P2RX1: variants seen among roughly 807,000 people sequenced by gnomAD.
P2RX1 encodes the protein purinergic receptor P2X 1.
P2RX1 carries 42 observed loss-of-function variants against 50.3 expected under a neutral mutation model. The observed-to-expected ratio is 0.83, with a 90% CI of 0.65 to 1.08. The LOEUF (loss-of-function observed/expected upper bound fraction) is 1.08, where lower values mean the gene tolerates loss of function less well. P2RX1 is among the 50% of genes least tolerant of loss of function. P2RX1 has a pLI of 0.00. For synonymous variants in P2RX1, 199 were observed against 202.6 expected (o/e 0.98, Z 0.15); for missense variants, 449 against 529.0 (o/e 0.85, Z 1.48).
chr17:3,909,550 C>T (rs953653872), intron 1 of P2RX1, among the ~76,000 whole-genome samples: 4 of 152,120 alleles, frequency 2.6e-5, no homozygotes, highest in African/African-American at 9.7e-5. Flanking sequence ...CACATTCAAT[C>T]ATTCAACAAA....
At position 3,896,924 on chromosome 17, in the gene P2RX1, C is replaced by T. The variant is rs28930668; in HGVS notation, c.*890G>A. 0.26 allele frequency: 39,076 copies of T among 152,264 alleles called. 6,374 individuals are homozygous for T. The highest frequency in any genetic ancestry group is 0.51 in the East Asian group (2,629 of 5,170). 9.4% of individuals were successfully genotyped at this position (152,264 alleles called of 1,614,324 possible). On this transcript the variant is annotated 3_prime_UTR_variant, in exon 12 of 12. Coordinates refer to ENST00000225538, the MANE Select transcript of P2RX1 (RefSeq NM_002558.4). ...ACAGTGTGGAAGGATGCTGTGTGCA[C>T]GTAGGTGGTGTGTACACTGGGTTGT...
chr17:3,915,948 T>G, intron 1 of P2RX1, 141 bp downstream of exon 1: 1 of 1,031,386 alleles, frequency 9.7e-7, no homozygotes, highest in Non-Finnish European at 1.5e-6. Context: ...TTTTCTATTC[T>G]CGCACAGTGG....
intron 1 of P2RX1, among the ~76,000 whole-genome samples, chr17:3,910,426 A>C (rs1265951689): frequency 6.6e-6 from 1 of 152,152 alleles, no homozygotes; most frequent in Non-Finnish European, 1.5e-5. Context: ...CAGGCTCAAC[A>C]CCCAGGCAGC....
intron 8 of P2RX1, 52 bp from the exon 9 acceptor site, chr17:3,899,076 T>G (rs1298197467): frequency 3.1e-6 from 4 of 1,294,718 alleles, no homozygotes; most frequent in Non-Finnish European, 4.5e-6. Context: ...CTGTCTTGGG[T>G]CTGGAGTTCT....
At chr17:3,908,197 C>G (rs369301234) in intron 1 of P2RX1, among the ~76,000 whole-genome samples, 3 of 152,314 alleles carry the variant, frequency 2.0e-5, no homozygotes, top group East Asian at 3.9e-4. Context: ...CACCTTGGAG[C>G]TGCCGGTCTT....
intron 1 of P2RX1, among the ~76,000 whole-genome samples, chr17:3,913,508 T>C (rs2056398920): frequency 6.6e-6 from 1 of 152,228 alleles, no homozygotes; most frequent in Non-Finnish European, 1.5e-5. Flanking sequence ...CTGCCTGCAC[T>C]TGCCCAGGAT....
rs2056413637 is a variant in P2RX1 at position 3,914,328 on chromosome 17, T to G, written c.137+1761A>C. On this transcript the variant is annotated intron_variant, in intron 1 of 11. Transcript: ENST00000225538. This position sits in a 1 kb window ranked among gnomAD's most constrained non-coding sequence, Gnocchi z 4.1. ...CATTTGGAAACTGATTAGACAGTCT[T>G]GGGAGGGAAGACAGGCAGGAGGACG... Among the ~76,000 whole-genome samples the G allele has an allele frequency of 6.6e-6, 1 of 150,444 alleles. No individual in the cohort carries two copies. Among genetic ancestry groups the G allele is most frequent in the African/African-American group, 2.5e-5 (1 of 40,688 alleles).
At position 3,905,336 on chromosome 17, in the gene P2RX1, T is replaced by G; in HGVS notation, c.169A>C (p.Thr57Pro). Residue 57 changes from threonine to proline, a missense_variant, in exon 2 of 12, where the codon ACC (threonine) becomes CCC (proline). Thr to Pro is a conservative substitution (Grantham distance 38). Coordinates refer to ENST00000225538, the MANE Select transcript of P2RX1 (RefSeq NM_002558.4). The stretch of plus-strand genomic sequence containing the variant: ...ACACTGCTGATGAGGCCGCTCGAGG[T>G]CTGGTAGCCCTTCTCATAGAGAAAC... Reference protein sequence around the residue: ...WVFLYEKGYQTSSGLISSVSV... With the variant: ...WVFLYEKGYQPSSGLISSVSV... 2 of 1,613,754 alleles carry G rather than the reference T, an allele frequency of 1.2e-6. No homozygotes were observed. Among genetic ancestry groups the G allele is most frequent in the Non-Finnish European group, 1.7e-6 (2 of 1,179,994 alleles).
At chr17:3,911,346 C>T (rs1257562644) in intron 1 of P2RX1, among the ~76,000 whole-genome samples, 1 of 152,010 alleles carries the variant, frequency 6.6e-6, no homozygotes, top group African/African-American at 2.4e-5. Context: ...CTCTAAAAAC[C>T]AAGCGGTTTC....
At chr17:3,909,839 A>G (rs1447197714) in intron 1 of P2RX1, among the ~76,000 whole-genome samples, 3 of 152,218 alleles carry the variant, frequency 2.0e-5, no homozygotes, top group Non-Finnish European at 2.9e-5. Context: ...CTATAACCTG[A>G]TAAACCCATC....
intron 1 of P2RX1, among the ~76,000 whole-genome samples, chr17:3,912,580 C>G (rs2056384244): frequency 6.6e-6 from 1 of 152,198 alleles, no homozygotes; most frequent in Non-Finnish European, 1.5e-5. Flanking sequence ...ATCCACCCGC[C>G]TTAGCCTCCC....
chr17:3,898,628 G>T (rs2056078007), intron 9 of P2RX1, 79 bp from the exon 10 acceptor site: 1 of 1,094,970 alleles, frequency 9.1e-7, no homozygotes, highest in Admixed American at 1.8e-5. Context: ...GGGACAAGGG[G>T]ACTTCCCCAC....
Position 3,905,240 on chromosome 17 carries a change from C to G in P2RX1, c.265G>C (p.Asp89His). ...GLGPQVWDVA[D>H]YVFPAQGDNS... ...CTCACCTGGGCTGGGAAGACGTAGT[C>G]AGCCACATCCCAGACCTGGGGGCCG... is the stretch of plus-strand genomic sequence containing the variant. Residue 89 changes from aspartate (D) to histidine (H), a missense_variant, in exon 2 of 12, where the codon GAC becomes CAC. Physicochemically the swap from Asp to His is moderately conservative, Grantham distance 81. Transcript: ENST00000225538. The G allele has an allele frequency of 6.2e-7, 1 of 1,613,392 alleles. No homozygotes were observed. The highest frequency in any genetic ancestry group is 8.5e-7 in the Non-Finnish European group (1 of 1,179,902).
chr17:3,915,941 T>G (rs1388221486), intron 1 of P2RX1, 148 bp downstream of exon 1: 1 of 993,496 alleles, frequency 1.0e-6, no homozygotes, highest in Admixed American at 2.0e-5. Flanking sequence ...GGCAGGATTT[T>G]CTATTCTCGC....
In P2RX1 at chr17:3,909,276, C is replaced by T. The variant is rs534616296; in HGVS notation, c.138-3909G>A. Among the ~76,000 whole-genome samples the T allele has an allele frequency of 1.8e-4, 28 of 152,210 alleles. 1 individual carries two copies. The South Asian group carries it at 4.8e-3, about 26-fold the overall frequency. ...GGAACTCCTGACCTCGTGATCCGCC[C>T]GCCTCGGCCTCCCAAGGTGCTGGGA... On this transcript the variant is annotated intron_variant, in intron 1 of 11. Coordinates refer to ENST00000225538, the MANE Select transcript of P2RX1 (RefSeq NM_002558.4).
intron 3 of P2RX1, 53 bp downstream of exon 3, chr17:3,904,805 C>G (rs534450753): frequency 8.6e-6 from 12 of 1,391,300 alleles, no homozygotes; most frequent in Non-Finnish European, 1.2e-5. Flanking sequence ...TTTCTCTGCA[C>G]GTCATTTTCC....
chr17:3,905,295 C>CT lies in P2RX1; in HGVS notation c.209dup (p.Leu72ProfsTer18). ...CAGGGAGCTGGGTCACGGCCAGGCCCTTGAGTTTCACAGAGACACTGCTGA... is the reference window on the plus strand; with the variant it reads ...CAGGGAGCTGGGTCACGGCCAGGCCCTTTGAGTTTCACAGAGACACTGCTGA... On this transcript the variant is annotated frameshift_variant, in exon 2 of 12. Transcript: ENST00000225538. LOFTEE classifies it high-confidence loss of function. The CT allele has an allele frequency of 6.2e-7, 1 of 1,613,990 alleles. No individual in the cohort carries two copies.
chr17:3,912,333 T>A (rs1389967415), intron 1 of P2RX1, among the ~76,000 whole-genome samples: 1 of 145,118 alleles, frequency 6.9e-6, no homozygotes, highest in South Asian at 2.3e-4. Context: ...TTGTTTGTTT[T>A]TTTATTTTTT....
chr17:3,915,741 G>A (rs957987518), intron 1 of P2RX1: 11 of 489,014 alleles, frequency 2.2e-5, no homozygotes, highest in African/African-American at 3.9e-5. Flanking sequence ...GGCCTGGTTT[G>A]GCAGGCGGTC....
Sources: allele counts gnomAD v4.1 joint callset (sites outside exome capture counted in the v4.1 genomes callset), GRCh38; gene constraint gnomAD v4.1.1; non-coding constraint Gnocchi (gnomAD v3.1); transcripts MANE v1.5; gene names NCBI Gene and HGNC (gene_info 2026-07-23, HGNC 2026-07-21).